FAM13C: variants seen among roughly 807,000 people sequenced by gnomAD.
The protein encoded by FAM13C is family with sequence similarity 13 member C.
FAM13C carries 37 observed loss-of-function variants against 73.2 expected under a neutral mutation model. The observed-to-expected ratio is 0.51, with a 90% CI of 0.39 to 0.67. The LOEUF is 0.67. FAM13C is among the 30% of genes least tolerant of loss of function. FAM13C has a pLI of 0.00. For missense variants in FAM13C, 589 were observed against 715.6 expected (o/e 0.82, Z 2.02); for synonymous variants, 246 against 260.9 (o/e 0.94, Z 0.55).
chr10:59,300,560 T>C (rs1795715445), intron 5 of FAM13C: 1 of 152,178 alleles, frequency 6.6e-6, no homozygotes, highest in South Asian at 2.1e-4. Flanking sequence ...AAAAGTCAGC[T>C]GTACAAAGAG....
intron 4 of FAM13C, among the ~76,000 whole-genome samples, chr10:59,313,533 T>C (rs572406054): frequency 6.6e-6 from 1 of 152,268 alleles, no homozygotes; most frequent in South Asian, 2.1e-4. Flanking sequence ...AAAAACCTTT[T>C]TGAAATTGTC....
intron 3 of FAM13C, among the ~76,000 whole-genome samples, chr10:59,338,875 GT>G (rs1367249248): frequency 6.6e-6 from 1 of 152,180 alleles, no homozygotes. Context: ...TCTTGTATTA[GT>G]TTCCTAGGGT....
chr10:59,361,361 A>G (rs1856387651), intron 1 of FAM13C, among the ~76,000 whole-genome samples: 1 of 152,214 alleles, frequency 6.6e-6, no homozygotes, highest in African/African-American at 2.4e-5. Flanking sequence ...AGTCATTGTG[A>G]TAGTGGCAGG....
At chr10:59,351,443 T>G (rs1395791833) in intron 3 of FAM13C, among the ~76,000 whole-genome samples, 1 of 152,032 alleles carries the variant, frequency 6.6e-6, no homozygotes, top group Non-Finnish European at 1.5e-5. Context: ...ACTATCAAAA[T>G]GTATTGGAAA....
chr10:59,260,921 T>C (rs1842443633), intron 10 of FAM13C, among the ~76,000 whole-genome samples: 1 of 152,198 alleles, frequency 6.6e-6, no homozygotes, highest in African/African-American at 2.4e-5. Flanking sequence ...AGAGAATCAG[T>C]TCACTTGCCA....
intron 3 of FAM13C, among the ~76,000 whole-genome samples, chr10:59,342,377 T>C (rs1841185620): frequency 1.3e-5 from 2 of 151,002 alleles, no homozygotes; most frequent in Non-Finnish European, 2.9e-5. Context: ...AAAAAAATCC[T>C]GGCAGCTCTC....
chr10:59,287,239 A>G (rs1341746520), intron 5 of FAM13C, among the ~76,000 whole-genome samples: 1 of 144,728 alleles, frequency 6.9e-6, no homozygotes, highest in Non-Finnish European at 1.5e-5. Flanking sequence ...CGGGAGTCTG[A>G]GACAGGACAA....
In FAM13C at chr10:59,273,262, G is replaced by T. The variant is rs1028435173; in HGVS notation, c.593-3153C>A. ...ATTCACCCATGCATCCTTTGTATAG[G>T]GTATTTGGTGAAATCTTAAGATAAA... On this transcript the variant is annotated intron_variant, in intron 6 of 13. Coordinates refer to ENST00000618804, the MANE Select transcript of FAM13C (RefSeq NM_198215.4). 5.9e-5 allele frequency among the ~76,000 whole-genome samples: 9 copies of T among 151,962 alleles called. No individual in the cohort carries two copies. In the East Asian group the frequency reaches 1.7e-3, roughly 29 times the overall value.
Position 59,254,383 on chromosome 10 carries a change from G to T in FAM13C, c.1297C>A (p.Gln433Lys), listed in dbSNP as rs1322657101. 1.9e-6 allele frequency: 3 copies of T among 1,556,944 alleles called. No homozygotes were observed. The African/African-American group carries it at 4.1e-5, about 22-fold the overall frequency. The change falls in exon 11 of 14, where the codon CAA (glutamine) becomes AAA (lysine). Residue 433 changes from glutamine (Q) to lysine (K), a missense_variant. Gln to Lys is a moderately conservative substitution (Grantham distance 53, BLOSUM62 1). Coordinates refer to ENST00000618804, the MANE Select transcript of FAM13C (RefSeq NM_198215.4). ...ATAAGGGAAGGTGTTGACAAGATTT[G>T]CTTGATAATTCTGTATCGGTCATAA... ...PLYDRYRIIKQILSTPSLIPT... is the reference protein window; with the variant it reads ...PLYDRYRIIKKILSTPSLIPT...
intron 4 of FAM13C, among the ~76,000 whole-genome samples, chr10:59,319,660 A>C (rs1027761238): frequency 3.3e-5 from 5 of 152,224 alleles, no homozygotes; most frequent in African/African-American, 7.2e-5. Flanking sequence ...ATACAGATTG[A>C]TGGTACTAAT....
chr10:59,332,776 G>C (rs963244052), intron 3 of FAM13C, among the ~76,000 whole-genome samples: 3 of 152,120 alleles, frequency 2.0e-5, no homozygotes, highest in African/African-American at 7.2e-5. Context: ...GGCACCACAA[G>C]CTTAAGCCTT....
intron 3 of FAM13C, 109 bp downstream of exon 3, chr10:59,352,159 CGT>C: frequency 1.6e-6 from 2 of 1,218,766 alleles, no homozygotes; most frequent in Non-Finnish European, 2.3e-6. Context: ...AATGACAAGT[CGT>C]GCCAATCCCC....
chr10:59,305,790 C>G (rs1384845624), intron 4 of FAM13C, among the ~76,000 whole-genome samples: 1 of 152,190 alleles, frequency 6.6e-6, no homozygotes, highest in East Asian at 1.9e-4. Context: ...CTAAGGCTCC[C>G]AACCACAAGC....
chr10:59,334,990 G>A (rs1257662022), intron 3 of FAM13C, among the ~76,000 whole-genome samples: 1 of 152,208 alleles, frequency 6.6e-6, no homozygotes. Context: ...TTTGGGGAAT[G>A]AGGTTCCACA....
rs1422559664 is a variant in FAM13C, at chr10:59,265,326, G to GA, written c.943-1161_943-1160insT. Among the ~76,000 whole-genome samples, 15 of 49,000 alleles carry GA rather than the reference G, an allele frequency of 3.1e-4. 4 individuals carry two copies. The highest frequency in any genetic ancestry group is 6.2e-4 in the Non-Finnish European group (14 of 22,442). 32.1% of individuals were successfully genotyped at this position (49,000 alleles called of 152,430 possible). On this transcript the variant is annotated intron_variant, in intron 8 of 13. Coordinates refer to ENST00000618804, the MANE Select transcript of FAM13C (RefSeq NM_198215.4). ...GGGATAGGGAAGGGGTTTTGGCGGG[G>GA]GGGGGGGGGAATCCTGGTTTCAGGA...
intron 3 of FAM13C, among the ~76,000 whole-genome samples, chr10:59,330,142 G>T (rs2134090343): frequency 6.6e-6 from 1 of 152,280 alleles, no homozygotes; most frequent in African/African-American, 2.4e-5. Flanking sequence ...CGATTTGGGA[G>T]GAATTGCATT....
chr10:59,301,263 A>AT (rs1370371818), intron 5 of FAM13C: 1 of 152,226 alleles, frequency 6.6e-6, no homozygotes, highest in Non-Finnish European at 1.5e-5. Context: ...GGAAAAAAAA[A>AT]CACTGTCAGC....
chr10:59,333,465 G>A (rs943309573), intron 3 of FAM13C, among the ~76,000 whole-genome samples: 3 of 152,090 alleles, frequency 2.0e-5, no homozygotes, highest in Non-Finnish European at 4.4e-5. Flanking sequence ...TCCAGCCTGG[G>A]TGACAGAGCA....
At chr10:59,337,837 G>A (rs974522257) in intron 3 of FAM13C, among the ~76,000 whole-genome samples, 1 of 151,668 alleles carries the variant, frequency 6.6e-6, no homozygotes, top group Non-Finnish European at 1.5e-5. Flanking sequence ...CTGCCACCAT[G>A]CCTGTCTAAT....
Sources: allele counts gnomAD v4.1 joint callset (sites outside exome capture counted in the v4.1 genomes callset), GRCh38; gene constraint gnomAD v4.1.1; transcripts MANE v1.5; gene names NCBI Gene and HGNC (gene_info 2026-07-23, HGNC 2026-07-21).